TSPAN12: variants seen among roughly 807,000 people sequenced by gnomAD.
TSPAN12 encodes tetraspanin 12.
A neutral mutation model predicts 39.2 loss-of-function variants in TSPAN12; 19 were observed. The observed-to-expected ratio is 0.49, with a 90% CI of 0.34 to 0.71. The LOEUF (loss-of-function observed/expected upper bound fraction) is 0.71. Ranked by LOEUF, TSPAN12 falls within the 30% of genes least tolerant of loss-of-function variation. The probability of loss-of-function intolerance (pLI) is 0.01; values close to 1 mark genes in which losing one functional copy is unlikely to be tolerated. For missense variants in TSPAN12, 314 were observed against 359.9 expected, an observed-to-expected ratio of 0.87 and a Z score of 1.03; for synonymous variants, 119 against 124.8, an observed-to-expected ratio of 0.95 and a Z score of 0.31.
chr7:120,806,542 G>A lies in TSPAN12; in HGVS notation c.612+7C>T, dbSNP rs1184397405. 6.8e-6 allele frequency: 11 copies of A among 1,612,594 alleles called. No individual in the cohort carries two copies. The highest frequency in any genetic ancestry group is 9.3e-6 in the Non-Finnish European group (11 of 1,179,008). Reference sequence around the variant, plus strand: ...ATCCATAATAAATTAACCATATATGGCCTCACCTCTTGATAAAGGTCACTG... The same window carrying A: ...ATCCATAATAAATTAACCATATATGACCTCACCTCTTGATAAAGGTCACTG... On this transcript the variant is annotated splice_region_variant and intron_variant, in intron 7 of 7. Coordinates refer to ENST00000222747, the MANE Select transcript of TSPAN12 (RefSeq NM_012338.4).
intron 4 of TSPAN12, among the ~76,000 whole-genome samples, chr7:120,824,989 C>T (rs897564061): frequency 6.6e-6 from 1 of 152,138 alleles, no homozygotes; most frequent in Non-Finnish European, 1.5e-5. Flanking sequence ...AAAGAGAGGA[C>T]TCTATGATAT....
intron 4 of TSPAN12, among the ~76,000 whole-genome samples, chr7:120,831,617 T>A (rs550396969): frequency 3.4e-5 from 5 of 147,232 alleles, no homozygotes. Context: ...GAATAGAGAG[T>A]AGAATGGTGG....
chr7:120,856,370 G>T (rs932600564), intron 2 of TSPAN12, among the ~76,000 whole-genome samples: 3 of 152,058 alleles, frequency 2.0e-5, no homozygotes, highest in African/African-American at 7.2e-5. Context: ...TAAAATTCCC[G>T]CAAACAAGCA....
intron 2 of TSPAN12, among the ~76,000 whole-genome samples, chr7:120,856,394 T>C (rs1298716520): frequency 2.0e-5 from 3 of 152,192 alleles, no homozygotes; most frequent in Admixed American, 6.5e-5. Context: ...CCCTAAGTAG[T>C]ATGTCATAAT....
chr7:120,791,418 G>A (rs1793520447), intron 7 of TSPAN12, among the ~76,000 whole-genome samples: 1 of 152,116 alleles, frequency 6.6e-6, no homozygotes, highest in African/African-American at 2.4e-5. Context: ...ATACAACGTG[G>A]TGACTATAGT....
At chr7:120,856,597 A>G in intron 2 of TSPAN12, 101 bp downstream of exon 2, 1 of 1,184,492 alleles carries the variant, frequency 8.4e-7, no homozygotes, top group South Asian at 1.2e-5. Flanking sequence ...TATCCCATGT[A>G]ATTAATTAAT....
intron 7 of TSPAN12, 138 bp from the exon 8 acceptor site, chr7:120,789,035 G>C (rs1793466903): frequency 1.1e-6 from 1 of 902,276 alleles, no homozygotes; most frequent in Admixed American, 2.1e-5. Flanking sequence ...GTGGTTCTCA[G>C]GGAAAGCTGA....
intron 7 of TSPAN12, among the ~76,000 whole-genome samples, chr7:120,797,338 A>C (rs1472783131): frequency 6.6e-6 from 1 of 152,202 alleles, no homozygotes; most frequent in Non-Finnish European, 1.5e-5. Flanking sequence ...GAAAAACAGG[A>C]CCAACTTTGG....
At chr7:120,827,390 T>C (rs1311071084) in intron 4 of TSPAN12, among the ~76,000 whole-genome samples, 3 of 152,192 alleles carry the variant, frequency 2.0e-5, no homozygotes, top group Admixed American at 2.0e-4. Context: ...ATACACTTTG[T>C]TCCTAAACCA....
At chr7:120,814,640 T>C (rs997081288) in intron 5 of TSPAN12, among the ~76,000 whole-genome samples, 2 of 152,100 alleles carry the variant, frequency 1.3e-5, no homozygotes, top group African/African-American at 4.8e-5. Context: ...AGTAAGCAAA[T>C]GTTAATAAGT....
chr7:120,838,712 T>C (rs540584193), intron 4 of TSPAN12, 65 bp downstream of exon 4: 2 of 1,546,836 alleles, frequency 1.3e-6, no homozygotes, highest in Admixed American at 1.7e-5. Context: ...TGTGAACTGA[T>C]TAAAAAATAA....
intron 5 of TSPAN12, among the ~76,000 whole-genome samples, chr7:120,811,821 T>C (rs1045552313): frequency 6.6e-6 from 1 of 152,112 alleles, no homozygotes; most frequent in African/African-American, 2.4e-5. Flanking sequence ...AAGCATCGTA[T>C]TTTCTCACTC....
At chr7:120,791,547 C>T (rs1793523641) in intron 7 of TSPAN12, among the ~76,000 whole-genome samples, 1 of 152,164 alleles carries the variant, frequency 6.6e-6, no homozygotes, top group South Asian at 2.1e-4. Flanking sequence ...TCAATAGTCT[C>T]TGGGGCTTAA....
chr7:120,820,156 C>G (rs567888238), intron 4 of TSPAN12, among the ~76,000 whole-genome samples: 1 of 152,158 alleles, frequency 6.6e-6, no homozygotes, highest in Non-Finnish European at 1.5e-5. Flanking sequence ...AACTCACCCT[C>G]TCTTCTCCTA....
chr7:120,841,546 T>G (rs1464568878), intron 2 of TSPAN12, among the ~76,000 whole-genome samples: 1 of 152,204 alleles, frequency 6.6e-6, no homozygotes, highest in Non-Finnish European at 1.5e-5. Context: ...ATAGAAACAT[T>G]TATGATACAA....
chr7:120,857,480 T>C (rs1794896330), intron 1 of TSPAN12: 1 of 130,528 alleles, frequency 7.7e-6, no homozygotes, highest in Non-Finnish European at 1.6e-5. Flanking sequence ...GGCCCCAGAA[T>C]GATGGATTAG....
intron 2 of TSPAN12, among the ~76,000 whole-genome samples, chr7:120,846,424 C>A (rs1408331796): frequency 6.6e-6 from 1 of 152,204 alleles, no homozygotes. Flanking sequence ...AGTAACACAG[C>A]TTTTAGTCGT....
intron 5 of TSPAN12, chr7:120,814,200 GA>G (rs1203372306): frequency 4.4e-6 from 2 of 456,530 alleles, no homozygotes; most frequent in East Asian, 1.4e-4. Flanking sequence ...ATCAGCACCA[GA>G]AATGACTTCT....
chr7:120,818,617 T>A (rs981944666), intron 4 of TSPAN12, among the ~76,000 whole-genome samples: 5 of 152,152 alleles, frequency 3.3e-5, no homozygotes, highest in African/African-American at 1.2e-4. Flanking sequence ...TTAATCTGCT[T>A]CCTTCATATT....
Sources: allele counts gnomAD v4.1 joint callset (sites outside exome capture counted in the v4.1 genomes callset), GRCh38; gene constraint gnomAD v4.1.1; transcripts MANE v1.5; gene names NCBI Gene and HGNC (gene_info 2026-07-23, HGNC 2026-07-21).